Variants in GRIN2A observed in about 807,000 individuals in gnomAD.
The protein encoded by GRIN2A is glutamate receptor ionotropic, NMDA 2A.
A neutral mutation model predicts 113.4 loss-of-function variants in GRIN2A; 22 were observed. That is an observed-to-expected ratio of 0.19 (90% CI 0.14 to 0.28). The LOEUF is 0.28. Among genes scored for constraint, GRIN2A ranks in the 10% least tolerant of loss-of-function variants. The pLI is 1.00. For synonymous variants in GRIN2A, 827 were observed against 738.4 expected (o/e 1.12, Z -1.94); for missense variants, 1,502 against 1,887.0 (o/e 0.80, Z 3.78).
chr16:9,768,820 G>T (rs1268617060), intron 12 of GRIN2A, 31 bp downstream of exon 12: 8 of 1,472,616 alleles, frequency 5.4e-6, no homozygotes, highest in Non-Finnish European at 7.6e-6. Flanking sequence ...CCTGCTTGCA[G>T]TGCAAGAAAG....
At chr16:10,160,242 C>G (rs548791867) in intron 2 of GRIN2A, among the ~76,000 whole-genome samples, 1 of 152,214 alleles carries the variant, frequency 6.6e-6, no homozygotes. Context: ...TACTCTCCCT[C>G]AAAACAATGT....
intron 2 of GRIN2A, among the ~76,000 whole-genome samples, chr16:10,093,807 A>G (rs1348503237): frequency 1.3e-5 from 2 of 152,064 alleles, no homozygotes; most frequent in African/African-American, 4.8e-5. Context: ...CAATTACGTG[A>G]GGGAGACGTG....
Position 9,923,018 on chromosome 16 carries a change from AAATC to A in GRIN2A, c.1007+14937_1007+14940del, listed in dbSNP as rs560757514. Among the ~76,000 whole-genome samples the A allele has an allele frequency of 8.5e-5, 13 of 152,266 alleles. No individual in the cohort carries two copies. In the East Asian group the frequency reaches 2.5e-3, roughly 29 times the overall value. The stretch of plus-strand genomic sequence containing the variant: ...GGTCAACTTGGTTGTGACATTGTTA[AAATC>A]ATCTGTATCTTTACTAACTTTGCTC... On this transcript the variant is annotated intron_variant, in intron 3 of 12. Coordinates refer to ENST00000330684, the MANE Select transcript of GRIN2A (RefSeq NM_001134407.3).
At chr16:10,164,343 A>G (rs752149446) in intron 2 of GRIN2A, among the ~76,000 whole-genome samples, 2 of 152,208 alleles carry the variant, frequency 1.3e-5, no homozygotes, top group Admixed American at 1.3e-4. Context: ...AGGGAACTTT[A>G]TTCATCTGTC....
At chr16:10,176,312 C>G (rs899068611) in intron 2 of GRIN2A, among the ~76,000 whole-genome samples, 11 of 152,246 alleles carry the variant, frequency 7.2e-5, no homozygotes, top group Non-Finnish European at 1.5e-4. Flanking sequence ...GCCTTATTTT[C>G]ACCTCTAATT....
At chr16:10,173,508 T>C (rs753309002) in intron 2 of GRIN2A, among the ~76,000 whole-genome samples, 16 of 152,174 alleles carry the variant, frequency 1.1e-4, no homozygotes, top group Non-Finnish European at 1.8e-4. Flanking sequence ...TCAGTCAGCA[T>C]TGAGGGAACA....
chr16:9,922,386 G>A (rs2044374119), intron 3 of GRIN2A, among the ~76,000 whole-genome samples: 1 of 152,048 alleles, frequency 6.6e-6, no homozygotes, highest in South Asian at 2.1e-4. Flanking sequence ...AGCAAGCTAG[G>A]ATTAAAACCC....
At chr16:10,072,275 A>G (rs1442233924) in intron 2 of GRIN2A, among the ~76,000 whole-genome samples, 1 of 152,238 alleles carries the variant, frequency 6.6e-6, no homozygotes, top group Non-Finnish European at 1.5e-5. Flanking sequence ...TGTACCTTCC[A>G]TTTGCAGCAT....
Position 9,757,005 on chromosome 16 carries a change from A to T in GRIN2A, c.*6144T>A, listed in dbSNP as rs1900373773. 5.1e-6 allele frequency: 1 copy of T among 197,430 alleles called. No individual in the cohort carries two copies. The highest frequency in any genetic ancestry group is 1.0e-5 in the Non-Finnish European group (1 of 95,272). The allele number at this position is 197,430 out of a possible 1,614,324, so 12.2% of individuals were successfully genotyped here. ...TGATACATTCATACCCTGGTGTATC[A>T]GAAGGGTTCTTCAAATGTCAAAAAC... On this transcript the variant is annotated 3_prime_UTR_variant, in exon 13 of 13. Transcript: ENST00000330684.
intron 4 of GRIN2A, among the ~76,000 whole-genome samples, chr16:9,880,906 A>T (rs530086680): frequency 1.3e-5 from 2 of 152,300 alleles, no homozygotes; most frequent in Non-Finnish European, 2.9e-5. Context: ...GGCACCTCAC[A>T]TGCTCTCCTG....
intron 2 of GRIN2A, among the ~76,000 whole-genome samples, chr16:10,023,388 T>C (rs2046760823): frequency 6.6e-6 from 1 of 152,212 alleles, no homozygotes; most frequent in Admixed American, 6.5e-5. Flanking sequence ...TCAGGTGTGG[T>C]TTTTACAATG....
chr16:9,830,480 C>CAAAAAA (rs71400501), intron 8 of GRIN2A, among the ~76,000 whole-genome samples: 6 of 73,070 alleles, frequency 8.2e-5, no homozygotes, highest in Non-Finnish European at 9.2e-5. Context: ...TCTGCATGGG[C>CAAAAAA]AAAAAAAAAA....
intron 3 of GRIN2A, among the ~76,000 whole-genome samples, chr16:9,906,556 G>T (rs1210837370): frequency 6.6e-6 from 1 of 152,126 alleles, no homozygotes; most frequent in Non-Finnish European, 1.5e-5. Context: ...ATTTTTTATT[G>T]CAACTAGAAG....
chr16:10,013,494 C>A (rs572956994), intron 2 of GRIN2A, among the ~76,000 whole-genome samples: 1 of 152,220 alleles, frequency 6.6e-6, no homozygotes, highest in African/African-American at 2.4e-5. Flanking sequence ...CTCTTCCCTG[C>A]GGGACAGTAA....
intron 10 of GRIN2A, among the ~76,000 whole-genome samples, chr16:9,799,248 C>T (rs1903203827): frequency 6.6e-6 from 1 of 152,170 alleles, no homozygotes; most frequent in South Asian, 2.1e-4. Context: ...TAGGGTGAAC[C>T]CCTAATCCAC....
chr16:10,048,638 A>G (rs1311100945), intron 2 of GRIN2A, among the ~76,000 whole-genome samples: 2 of 152,166 alleles, frequency 1.3e-5, no homozygotes, highest in African/African-American at 4.8e-5. Context: ...AGTGTCTCCA[A>G]ACACTAACAT....
At chr16:9,994,038 G>C (rs2046176566) in intron 2 of GRIN2A, among the ~76,000 whole-genome samples, 1 of 152,156 alleles carries the variant, frequency 6.6e-6, no homozygotes. Flanking sequence ...GTGAGGCAAG[G>C]GAAGAAGAAA....
At chr16:9,853,703 G>A (rs1245654570) in intron 4 of GRIN2A, among the ~76,000 whole-genome samples, 1 of 152,020 alleles carries the variant, frequency 6.6e-6, no homozygotes, top group Non-Finnish European at 1.5e-5. Context: ...GCCTGAAGAT[G>A]GAAGCTTCTT....
intron 2 of GRIN2A, among the ~76,000 whole-genome samples, chr16:9,990,556 C>CACGT (rs2046087783): frequency 9.6e-6 from 1 of 104,198 alleles, no homozygotes; most frequent in African/African-American, 3.3e-5. Context: ...CGCGCGCGCG[C>CACGT]GCGCGCGCAC....
Sources: gnomAD v4.1 joint callset for allele counts (sites outside exome capture counted in the v4.1 genomes callset) on GRCh38, gnomAD v4.1.1 for gene constraint, MANE v1.5 for transcripts, NCBI Gene and HGNC (gene_info 2026-07-23, HGNC 2026-07-21) for gene names.